The following MON2 variants were observed in gnomAD, a reference collection of about 807,000 sequenced individuals.
MON2 encodes the protein MON2 regulator of endosome-to-Golgi trafficking.
Under a neutral mutation model 208.6 loss-of-function variants are expected in MON2, and 84 were observed. The observed-to-expected ratio is 0.40, with a 90% CI of 0.34 to 0.48. The LOEUF (loss-of-function observed/expected upper bound fraction) is 0.48, where lower values mean the gene tolerates loss of function less well. MON2 is among the 20% of genes least tolerant of loss of function. The probability of loss-of-function intolerance (pLI) is 0.59; values close to 1 mark genes in which losing one functional copy is unlikely to be tolerated. For missense variants in MON2, 1,611 were observed against 2,015.4 expected (o/e 0.80, Z 3.84); for synonymous variants, 660 against 694.0 (o/e 0.95, Z 0.77).
intron 30 of MON2, among the ~76,000 whole-genome samples, chr12:62,576,995 ATAATAT>A (rs1023975678): frequency 2.1e-4 from 32 of 151,862 alleles, no homozygotes; most frequent in African/African-American, 7.2e-4. Flanking sequence ...ATACACACTA[ATAATAT>A]TAATATTATT....
intron 2 of MON2, among the ~76,000 whole-genome samples, chr12:62,486,233 A>G (rs960138210): frequency 4.6e-5 from 7 of 151,702 alleles, no homozygotes; most frequent in African/African-American, 1.7e-4. Context: ...TATTGGTTTT[A>G]TAGTTTGTGG....
At chr12:62,472,569 T>G (rs1188640219) in intron 1 of MON2, among the ~76,000 whole-genome samples, 1 of 152,206 alleles carries the variant, frequency 6.6e-6, no homozygotes, top group Non-Finnish European at 1.5e-5. Context: ...GTGATAGAGT[T>G]CCTCAGTATC....
At chr12:62,473,853 G>A (rs1228951621) in intron 1 of MON2, among the ~76,000 whole-genome samples, 1 of 151,934 alleles carries the variant, frequency 6.6e-6, no homozygotes, top group Non-Finnish European at 1.5e-5. Context: ...TTACAGACCC[G>A]AGCCACTGTG....
chr12:62,583,445 GAA>G (rs937600732), intron 32 of MON2, among the ~76,000 whole-genome samples: 3 of 152,176 alleles, frequency 2.0e-5, no homozygotes, highest in African/African-American at 7.2e-5. Context: ...ATCTGACAAA[GAA>G]AGAACAAAGA....
chr12:62,501,870 G>A (rs1435398954), intron 7 of MON2, among the ~76,000 whole-genome samples, 172 bp downstream of exon 7: 2 of 152,118 alleles, frequency 1.3e-5, no homozygotes, highest in Non-Finnish European at 2.9e-5. Flanking sequence ...AGGATTGCTT[G>A]AGCCCAGGAG....
intron 12 of MON2, among the ~76,000 whole-genome samples, chr12:62,533,118 C>T (rs2072737717): frequency 6.6e-6 from 1 of 152,088 alleles, no homozygotes; most frequent in African/African-American, 2.4e-5. Flanking sequence ...TTTTTGAGTA[C>T]AAGTCAGTCA....
At chr12:62,520,760 A>G (rs2071985384) in intron 8 of MON2, among the ~76,000 whole-genome samples, 1 of 151,158 alleles carries the variant, frequency 6.6e-6, no homozygotes, top group Non-Finnish European at 1.5e-5. Flanking sequence ...CCCCATCTCT[A>G]CTAAAAAATA....
intron 7 of MON2, among the ~76,000 whole-genome samples, chr12:62,504,971 G>A (rs1040725283): frequency 6.6e-6 from 1 of 152,204 alleles, no homozygotes; most frequent in Non-Finnish European, 1.5e-5. Context: ...GAGTAGTTAG[G>A]AGATATAGAG....
chr12:62,467,085 G>A lies in MON2; in HGVS notation c.-123G>A. 1.3e-6 allele frequency: 1 copy of A among 750,404 alleles called. No homozygotes were observed. The highest frequency in any genetic ancestry group is 2.2e-6 in the Non-Finnish European group (1 of 449,344). The allele number at this position is 750,404 out of a possible 1,614,324, so 46.5% of individuals were successfully genotyped here. A position where few individuals can be genotyped will look rare whatever the true frequency, so the allele number is the denominator to read the frequency against. ...GCAGGCTCCGGGTTCGCAGCCCAGG[G>A]CCCAAGAAGCGGGCTGCTGAAGGAC... On this transcript the variant is annotated 5_prime_UTR_variant, in exon 1 of 35. Transcript: ENST00000393630.
chr12:62,589,130 G>A (rs1199750831), intron 34 of MON2, among the ~76,000 whole-genome samples: 2 of 152,144 alleles, frequency 1.3e-5, no homozygotes, highest in Non-Finnish European at 2.9e-5. Context: ...CCATTGATTG[G>A]CTTCAACAGT....
At chr12:62,540,630 T>C (rs2073191807) in intron 19 of MON2, among the ~76,000 whole-genome samples, 1 of 152,166 alleles carries the variant, frequency 6.6e-6, no homozygotes, top group East Asian at 1.9e-4. Context: ...TAAGGAAGGC[T>C]TGGGAAGAAC....
intron 12 of MON2, among the ~76,000 whole-genome samples, chr12:62,534,534 AAAAAAAAAAT>A (rs1317539318): frequency 0.022 from 1,029 of 46,556 alleles, 20 homozygotes; most frequent in East Asian, 0.1. Flanking sequence ...AAAAAAAAAA[AAAAAAAAAAT>A]ATATATATAT....
chr12:62,484,296 C>A (rs553801821), intron 2 of MON2, 63 bp downstream of exon 2: 2 of 1,062,066 alleles, frequency 1.9e-6, no homozygotes, highest in African/African-American at 1.6e-5. Flanking sequence ...AAAGTAGAAT[C>A]TTTATTGTAA....
intron 1 of MON2, among the ~76,000 whole-genome samples, chr12:62,468,414 G>A (rs2068618799): frequency 6.6e-6 from 1 of 152,064 alleles, no homozygotes; most frequent in African/African-American, 2.4e-5. Context: ...AATTCACCGA[G>A]GGATTTCATA....
intron 22 of MON2, among the ~76,000 whole-genome samples, chr12:62,547,915 T>C (rs1474841504): frequency 6.6e-6 from 1 of 152,198 alleles, no homozygotes; most frequent in Non-Finnish European, 1.5e-5. Flanking sequence ...AACTCTGTGA[T>C]GTTCATACAG....
At chr12:62,524,449 A>C (rs576314447) in intron 8 of MON2, 66 bp from the exon 9 acceptor site, 1 of 1,337,844 alleles carries the variant, frequency 7.5e-7, no homozygotes, top group African/African-American at 1.5e-5. Flanking sequence ...AGTTAAGAAT[A>C]AGAACACAGT....
rs1341780724 is a variant in MON2 at position 62,598,811 on chromosome 12, A to G, written c.*6062A>G. Reference sequence around the variant, plus strand: ...CTTTGTAGTCTAGGATAGATTTTTCATGAAAGCTATATAGTTATAACTGTG... The same window carrying G: ...CTTTGTAGTCTAGGATAGATTTTTCGTGAAAGCTATATAGTTATAACTGTG... On this transcript the variant is annotated 3_prime_UTR_variant, in exon 35 of 35. Coordinates refer to ENST00000393630, the MANE Select transcript of MON2 (RefSeq NM_015026.3). 3 of 152,172 alleles carry G rather than the reference A, an allele frequency of 2.0e-5. No individual in the cohort carries two copies. The allele number at this position is 152,172 out of a possible 1,614,324, so 9.4% of individuals were successfully genotyped here.
chr12:62,537,988 C>A, intron 16 of MON2, 108 bp from the exon 17 acceptor site: 1 of 951,008 alleles, frequency 1.1e-6, no homozygotes, highest in South Asian at 1.6e-5. Flanking sequence ...AAACCTACTA[C>A]TGATTTTAAT....
chr12:62,553,919 G>T (rs2073857088), intron 24 of MON2, among the ~76,000 whole-genome samples: 1 of 152,078 alleles, frequency 6.6e-6, no homozygotes, highest in Non-Finnish European at 1.5e-5. Context: ...CATGGTGACT[G>T]ACACCTGTAA....
Sources: gnomAD v4.1 joint callset for allele counts (sites outside exome capture counted in the v4.1 genomes callset) on GRCh38, gnomAD v4.1.1 for gene constraint, MANE v1.5 for transcripts, NCBI Gene and HGNC (gene_info 2026-07-23, HGNC 2026-07-21) for gene names.